Variants in CACNA2D3 observed in about 807,000 individuals in gnomAD.
CACNA2D3 encodes voltage-dependent calcium channel subunit alpha-2/delta-3.
A neutral mutation model predicts 160.6 loss-of-function variants in CACNA2D3; 60 were observed. The ratio of observed to expected loss-of-function variants is 0.37; its 90% confidence interval spans 0.30 to 0.46. The LOEUF (loss-of-function observed/expected upper bound fraction) is 0.46. Among genes scored for constraint, CACNA2D3 ranks in the 20% least tolerant of loss-of-function variants. CACNA2D3 has a pLI of 1.00. For synonymous variants in CACNA2D3, 558 were observed against 492.9 expected (o/e 1.13, Z -1.75); for missense variants, 1,205 against 1,365.0 (o/e 0.88, Z 1.85).
chr3:54,820,171 C>CGCTGTGTTTTT (rs1432121100), intron 14 of CACNA2D3, among the ~76,000 whole-genome samples: 1 of 152,066 alleles, frequency 6.6e-6, no homozygotes, highest in Non-Finnish European at 1.5e-5. Flanking sequence ...TCTGCATTTG[C>CGCTGTGTTTTT]GCTGTGTTTT....
intron 11 of CACNA2D3, among the ~76,000 whole-genome samples, chr3:54,658,522 GTTAT>G (rs1699913172): frequency 6.6e-6 from 1 of 152,064 alleles, no homozygotes; most frequent in African/African-American, 2.4e-5. Flanking sequence ...TTAAAATCAG[GTTAT>G]TTGTTTGCTA....
At chr3:55,058,275 T>C (rs1241121697) in intron 35 of CACNA2D3, among the ~76,000 whole-genome samples, 1 of 152,232 alleles carries the variant, frequency 6.6e-6, no homozygotes, top group Non-Finnish European at 1.5e-5. Context: ...CTACAAGATA[T>C]ATTATTCAGA....
chr3:54,887,891 C>A (rs1699963016), intron 23 of CACNA2D3, 68 bp from the exon 24 acceptor site: 1 of 1,150,968 alleles, frequency 8.7e-7, no homozygotes. Context: ...CACAATGAGC[C>A]CATGAGTGCC....
chr3:55,034,852 ACT>A (rs1703777111), intron 35 of CACNA2D3, among the ~76,000 whole-genome samples: 1 of 151,506 alleles, frequency 6.6e-6, no homozygotes, highest in Non-Finnish European at 1.5e-5. Flanking sequence ...TACTCTGAAA[ACT>A]CTGTGTATTT....
At chr3:54,434,263 T>C (rs1700029950) in intron 4 of CACNA2D3, among the ~76,000 whole-genome samples, 1 of 152,192 alleles carries the variant, frequency 6.6e-6, no homozygotes, top group African/African-American at 2.4e-5. Flanking sequence ...TGAGCTGTGC[T>C]TACACTCCCA....
At chr3:54,466,304 G>C (rs1700625194) in intron 4 of CACNA2D3, among the ~76,000 whole-genome samples, 1 of 151,990 alleles carries the variant, frequency 6.6e-6, no homozygotes, top group African/African-American at 2.4e-5. Context: ...GAGAGAATTG[G>C]AAAAAAGTAC....
At chr3:54,203,567 G>T (rs1007430132) in intron 2 of CACNA2D3, among the ~76,000 whole-genome samples, 2 of 152,190 alleles carry the variant, frequency 1.3e-5, no homozygotes, top group Admixed American at 1.3e-4. Flanking sequence ...GAAAATGAGG[G>T]CAAAGTTTTA....
chr3:54,792,968 A>G (rs1417678729), intron 13 of CACNA2D3, among the ~76,000 whole-genome samples: 4 of 152,226 alleles, frequency 2.6e-5, no homozygotes, highest in Non-Finnish European at 5.9e-5. Context: ...GCTGTTTTCT[A>G]CAGACTCCTT....
intron 15 of CACNA2D3, 67 bp from the exon 16 acceptor site, chr3:54,838,501 C>T (rs1698745135): frequency 7.1e-6 from 9 of 1,272,934 alleles, no homozygotes; most frequent in South Asian, 2.4e-5. Context: ...TGTGACTTCT[C>T]GTGAGATTCT....
chr3:54,535,123 T>G (rs1449272994), intron 5 of CACNA2D3, among the ~76,000 whole-genome samples: 1 of 152,204 alleles, frequency 6.6e-6, no homozygotes, highest in Non-Finnish European at 1.5e-5. Context: ...TTTTATAGCC[T>G]GGAACAGTGG....
intron 14 of CACNA2D3, 63 bp from the exon 15 acceptor site, chr3:54,837,096 G>C: frequency 7.3e-7 from 1 of 1,378,354 alleles, no homozygotes; most frequent in Non-Finnish European, 1.0e-6. Context: ...TGTCAAGGGG[G>C]TGGCCTCCAG....
chr3:54,750,681 C>T (rs778896296), intron 11 of CACNA2D3, among the ~76,000 whole-genome samples: 32 of 151,158 alleles, frequency 2.1e-4, no homozygotes, highest in Non-Finnish European at 3.2e-4. Flanking sequence ...AGTTAAGTGC[C>T]GACAGTGGAC....
intron 9 of CACNA2D3, among the ~76,000 whole-genome samples, chr3:54,604,519 C>A (rs142136113): frequency 3.9e-5 from 6 of 152,154 alleles, no homozygotes; most frequent in Non-Finnish European, 8.8e-5. Flanking sequence ...TCTCAGCAAA[C>A]AGCAGTCCTC....
At chr3:54,635,956 AG>A (rs1185994701) in intron 10 of CACNA2D3, among the ~76,000 whole-genome samples, 1 of 151,926 alleles carries the variant, frequency 6.6e-6, no homozygotes, top group East Asian at 1.9e-4. Context: ...TTAGACTAAG[AG>A]GTATTTTAGT....
chr3:54,419,483 T>C (rs1227660115), intron 4 of CACNA2D3, among the ~76,000 whole-genome samples: 5 of 152,230 alleles, frequency 3.3e-5, no homozygotes, highest in Non-Finnish European at 7.3e-5. Flanking sequence ...TTTTATACTA[T>C]TGTTCCAATT....
intron 4 of CACNA2D3, among the ~76,000 whole-genome samples, chr3:54,447,999 C>A (rs887620113): frequency 2.0e-5 from 3 of 152,122 alleles, no homozygotes; most frequent in African/African-American, 7.2e-5. Flanking sequence ...AGCACAACCA[C>A]GAGGGAATTT....
chr3:54,657,640 GACTA>G (rs577643425), intron 11 of CACNA2D3, among the ~76,000 whole-genome samples: 1 of 152,130 alleles, frequency 6.6e-6, no homozygotes, highest in Non-Finnish European at 1.5e-5. Context: ...TTTGTCCTGT[GACTA>G]ACTTATTTCA....
At chr3:54,449,792 C>T (rs1231487294) in intron 4 of CACNA2D3, among the ~76,000 whole-genome samples, 2 of 152,292 alleles carry the variant, frequency 1.3e-5, no homozygotes, top group East Asian at 3.9e-4. Context: ...GAAGCAGAAG[C>T]CACTGTGCTT....
At chr3:54,553,836 G>A (rs1262177993) in intron 5 of CACNA2D3, among the ~76,000 whole-genome samples, 2 of 152,176 alleles carry the variant, frequency 1.3e-5, no homozygotes, top group East Asian at 3.9e-4. Flanking sequence ...GCCTGTCCTG[G>A]GAAGAGGAAG....
Sources: gnomAD v4.1 joint callset for allele counts (sites outside exome capture counted in the v4.1 genomes callset) on GRCh38, gnomAD v4.1.1 for gene constraint, MANE v1.5 for transcripts, NCBI Gene and HGNC (gene_info 2026-07-23, HGNC 2026-07-21) for gene names.